CAST: variants seen among roughly 807,000 people sequenced by gnomAD.
CAST encodes calpastatin.
A neutral mutation model predicts 119.6 loss-of-function variants in CAST; 76 were observed. That is an observed-to-expected ratio of 0.64 (90% CI 0.53 to 0.77). The LOEUF (loss-of-function observed/expected upper bound fraction) is 0.77. CAST is among the 30% of genes least tolerant of loss of function. CAST has a pLI of 0.00. For missense variants in CAST, 953 were observed against 946.5 expected (o/e 1.01, Z -0.09); for synonymous variants, 319 against 331.6 (o/e 0.96, Z 0.41).
chr5:96,361,204 T>C, the CAST span, among the ~76,000 whole-genome samples: 1 of 152,112 alleles, frequency 6.6e-6, no homozygotes, highest in Non-Finnish European at 1.5e-5. Context: ...GTGTCCCAGG[T>C]CAACATCAGA....
At chr5:96,055,416 G>A in the CAST span, among the ~76,000 whole-genome samples, 2 of 152,102 alleles carry the variant, frequency 1.3e-5, no homozygotes, top group Non-Finnish European at 1.5e-5. Context: ...TTACTAGATG[G>A]TGTTGTTCCT....
the CAST span, among the ~76,000 whole-genome samples, chr5:96,054,954 A>G: frequency 1.1e-4 from 17 of 152,182 alleles, no homozygotes; most frequent in African/African-American, 3.6e-4. Context: ...GATTAAATAC[A>G]TATTTCATGA....
In CAST at chr5:96,757,668, T is replaced by A; in HGVS notation, c.1833+14T>A. ...GCTTCATCTCTTGTAAGTCCAAAACTCTTGGTTTTATTTCTTTAGTTTTTT... is the reference window on the plus strand; with the variant it reads ...GCTTCATCTCTTGTAAGTCCAAAACACTTGGTTTTATTTCTTTAGTTTTTT... On this transcript the variant is annotated intron_variant, in intron 24 of 31. Transcript: ENST00000675179. The A allele has an allele frequency of 6.5e-7, 1 of 1,546,910 alleles. No individual in the cohort carries two copies. The highest frequency in any genetic ancestry group is 8.8e-7 in the Non-Finnish European group (1 of 1,131,464).
chr5:96,075,553 A>G, the CAST span, among the ~76,000 whole-genome samples: 1 of 152,198 alleles, frequency 6.6e-6, no homozygotes, highest in Admixed American at 6.5e-5. Context: ...CTACTTCCAC[A>G]AACTGCCAAT....
At chr5:96,429,282 A>G in the CAST span, 9 of 1,597,254 alleles carry the variant, frequency 5.6e-6, no homozygotes, top group East Asian at 2.2e-5. Flanking sequence ...GGTGGTTTTT[A>G]TGTTTGAATA....
chr5:96,521,250 T>G (rs1745511988), upstream of CAST, among the ~76,000 whole-genome samples: 1 of 152,226 alleles, frequency 6.6e-6, no homozygotes, highest in Non-Finnish European at 1.5e-5. Context: ...CTCACTCTGC[T>G]GCTTAAAACC....
At chr5:96,478,165 C>T in the CAST span, among the ~76,000 whole-genome samples, 4 of 152,126 alleles carry the variant, frequency 2.6e-5, no homozygotes, top group African/African-American at 4.8e-5. Context: ...CAAAATCAAG[C>T]GTTAGTCCTT....
chr5:96,073,195 T>C, the CAST span, among the ~76,000 whole-genome samples: 2 of 152,206 alleles, frequency 1.3e-5, no homozygotes, highest in Non-Finnish European at 2.9e-5. Flanking sequence ...AGTTGTGTTT[T>C]ATTTTATATT....
the CAST span, among the ~76,000 whole-genome samples, chr5:96,151,236 A>G: frequency 0.66 from 100,012 of 152,108 alleles, 33,349 homozygotes; most frequent in African/African-American, 0.74. Flanking sequence ...AGATTCAAAG[A>G]GGCAGAGGAA....
At chr5:96,220,763 C>T in the CAST span, among the ~76,000 whole-genome samples, 1 of 152,292 alleles carries the variant, frequency 6.6e-6, no homozygotes, top group South Asian at 2.1e-4. Context: ...GCTTAGTTGG[C>T]TATTTAGTGA....
chr5:96,120,710 T>C, the CAST span, among the ~76,000 whole-genome samples: 516 of 147,794 alleles, frequency 3.5e-3, 2 homozygotes, highest in African/African-American at 4.5e-3. Flanking sequence ...GTGCCAAGCA[T>C]TATTATATGT....
the CAST span, among the ~76,000 whole-genome samples, chr5:96,194,257 G>A: frequency 6.6e-6 from 1 of 152,158 alleles, no homozygotes; most frequent in African/African-American, 2.4e-5. Flanking sequence ...TTCCAAACCT[G>A]CATAATCATT....
At chr5:96,269,222 A>G in the CAST span, among the ~76,000 whole-genome samples, 1 of 152,224 alleles carries the variant, frequency 6.6e-6, no homozygotes, top group African/African-American at 2.4e-5. Flanking sequence ...GACAAGGAAA[A>G]TCATTATATA....
the CAST span, among the ~76,000 whole-genome samples, chr5:96,352,467 A>G: frequency 1.3e-5 from 2 of 152,134 alleles, no homozygotes; most frequent in Non-Finnish European, 2.9e-5. Flanking sequence ...AGGGTTTCAG[A>G]AGGCTTTTTA....
chr5:96,370,968 T>C, the CAST span, among the ~76,000 whole-genome samples: 937 of 152,256 alleles, frequency 6.2e-3, 15 homozygotes, highest in African/African-American at 0.021. Context: ...TCATTCACAC[T>C]TCCAATTCCG....
the CAST span, among the ~76,000 whole-genome samples, chr5:96,307,082 T>C: frequency 2.6e-5 from 4 of 152,150 alleles, no homozygotes; most frequent in Non-Finnish European, 4.4e-5. Context: ...TGTGTGGGAG[T>C]CTAAGTCTCT....
chr5:96,649,758 C>T (rs571762736), intron 1 of CAST, among the ~76,000 whole-genome samples: 124 of 152,280 alleles, frequency 8.1e-4, no homozygotes, highest in African/African-American at 2.6e-3. Context: ...GGTTTATTGT[C>T]GGCATTCAAA....
At chr5:96,049,111 T>A in the CAST span, among the ~76,000 whole-genome samples, 1 of 152,168 alleles carries the variant, frequency 6.6e-6, no homozygotes, top group Admixed American at 6.5e-5. Flanking sequence ...GTTAGGAAAA[T>A]ATCAGGAGCA....
intron 1 of CAST, among the ~76,000 whole-genome samples, chr5:96,598,038 A>G (rs1461404452): frequency 1.3e-5 from 2 of 152,030 alleles, no homozygotes; most frequent in Non-Finnish European, 2.9e-5. Context: ...GACTCTACAC[A>G]CTCCCGAAGG....
Sources: gnomAD v4.1 joint callset for allele counts (sites outside exome capture counted in the v4.1 genomes callset) on GRCh38, gnomAD v4.1.1 for gene constraint, MANE v1.5 for transcripts, NCBI Gene and HGNC (gene_info 2026-07-23, HGNC 2026-07-21) for gene names.